The following BOP1 variants were observed in gnomAD, a reference collection of about 807,000 sequenced individuals.
BOP1 encodes the protein ribosome biogenesis protein BOP1.
In BOP1, 54 loss-of-function variants were observed where a neutral mutation model predicts 82.9. The ratio of observed to expected loss-of-function variants is 0.65; its 90% CI spans 0.52 to 0.82. The LOEUF (loss-of-function observed/expected upper bound fraction) is 0.82, where lower values mean the gene tolerates loss of function less well. BOP1 is among the 40% of genes least tolerant of loss of function. BOP1 has a pLI of 0.00. For synonymous variants in BOP1, 566 were observed against 451.1 expected, an observed-to-expected ratio of 1.25 and a Z score of -3.23; for missense variants, 1,170 against 1,072.0, an observed-to-expected ratio of 1.09 and a Z score of -1.28.
At chr8:144,290,464 T>G (rs1815020478) in intron 1 of BOP1, among the ~76,000 whole-genome samples, 1 of 152,248 alleles carries the variant, frequency 6.6e-6, no homozygotes, top group Non-Finnish European at 1.5e-5. Context: ...ACGACCTGCA[T>G]GTATTAGCTA....
chr8:144,285,403 C>T (rs2130263549), intron 2 of BOP1, among the ~76,000 whole-genome samples: 1 of 152,340 alleles, frequency 6.6e-6, no homozygotes, highest in South Asian at 2.1e-4. Context: ...TTGCCAACCA[C>T]TGTGGAGGAA....
At position 144,263,621 on chromosome 8, in the gene BOP1, C is replaced by G; in HGVS notation, c.1292-11G>C. The G allele has an allele frequency of 6.2e-7, 1 of 1,608,698 alleles. No homozygotes were observed. The highest frequency in any genetic ancestry group is 1.7e-5 in the Admixed American group (1 of 59,896). On this transcript the variant is annotated splice_polypyrimidine_tract_variant and intron_variant, in intron 10 of 15. Transcript: ENST00000569669. ...AGCCGTCGTCAGAGCCTGGATGCGG[C>G]AGAGACAGCTCTCAACACCTGGCCA...
At chr8:144,268,807 AGGCAGC>A (rs1845440778) in intron 3 of BOP1, among the ~76,000 whole-genome samples, 2 of 149,848 alleles carry the variant, frequency 1.3e-5, no homozygotes, top group East Asian at 3.9e-4. Context: ...AGGGACAGGG[AGGCAGC>A]GGCAGGGACA....
chr8:144,267,032 G>A lies in BOP1; in HGVS notation c.391-1961C>T, dbSNP rs1845387259. 14 of 1,515,644 alleles carry A rather than the reference G, an allele frequency of 9.2e-6. No homozygotes were observed. In the South Asian group the frequency reaches 1.4e-4, roughly 15 times the overall value. 93.9% of individuals were successfully genotyped at this position (1,515,644 alleles called of 1,614,324 possible). A position where few individuals can be genotyped will look rare whatever the true frequency, so the allele number is the denominator to read the frequency against. Reference sequence around the variant, plus strand: ...CTGGCGGGCGAGGCCTGCGGCGACGGACAGCCCTGCCACTCCGGGCCCGCC... The same window carrying A: ...CTGGCGGGCGAGGCCTGCGGCGACGAACAGCCCTGCCACTCCGGGCCCGCC... On this transcript the variant is annotated intron_variant, in intron 3 of 15. Coordinates refer to ENST00000569669, the MANE Select transcript of BOP1 (RefSeq NM_015201.5).
intron 13 of BOP1, 61 bp from the exon 14 acceptor site, chr8:144,262,733 C>T: frequency 3.2e-6 from 5 of 1,545,116 alleles, no homozygotes; most frequent in Non-Finnish European, 4.4e-6. Flanking sequence ...CACTGCCCTG[C>T]CCGTCACCTA....
intron 3 of BOP1, chr8:144,266,523 T>A: frequency 1.0e-6 from 1 of 989,514 alleles, no homozygotes. Flanking sequence ...ACCCCGCGCC[T>A]CGCCCCGGCC....
intron 3 of BOP1, chr8:144,267,095 C>T: frequency 7.1e-7 from 1 of 1,403,718 alleles, no homozygotes; most frequent in Non-Finnish European, 9.2e-7. Context: ...CCCCCGCCGC[C>T]GCCCCCGCCG....
chr8:144,264,049 G>T lies in BOP1; in HGVS notation c.1072C>A (p.Arg358Ser). The change falls in exon 8 of 16, where the codon CGC (arginine) becomes AGC (serine). Residue 358 changes from arginine (R) to serine (S), a missense_variant. Transcript: ENST00000569669. ...CGCTCGAAGCGTTCCTGGATGAAGC[G>T]TCCGTAGGCAGGCACGGCCCGCAGG... ...PSLRAVPAYG[R>S]FIQERFERCL... is the part of the protein sequence containing the mutation. The T allele has an allele frequency of 1.2e-6, 2 of 1,609,984 alleles. No individual in the cohort carries two copies. Among genetic ancestry groups the T allele is most frequent in the Non-Finnish European group, 1.7e-6 (2 of 1,179,772 alleles).
intron 2 of BOP1, among the ~76,000 whole-genome samples, chr8:144,282,255 A>G (rs1845697380): frequency 6.6e-6 from 1 of 152,208 alleles, no homozygotes; most frequent in Non-Finnish European, 1.5e-5. Context: ...GGCAGGGAGC[A>G]CACAGCCCAG....
Position 144,264,395 on chromosome 8 carries a change from G to C in BOP1, c.808C>G (p.Pro270Ala), listed in dbSNP as rs1250527515. 1.9e-6 allele frequency: 3 copies of C among 1,602,402 alleles called. No homozygotes were observed. Among genetic ancestry groups the C allele is most frequent in the East Asian group, 2.2e-5 (1 of 44,888 alleles). The part of the protein sequence containing the change: ...VHAIKMGWIQ[P>A]RRPRDPTPSF... The stretch of plus-strand genomic sequence containing the variant: ...GGGGTGGGGTCTCGGGGCCGGCGAG[G>C]CTGGATCCAGCCCATCTTGATGGCG... Residue 270 changes from proline to alanine, a missense_variant, in exon 7 of 16, where the codon CCT becomes GCT. Coordinates refer to ENST00000569669, the MANE Select transcript of BOP1 (RefSeq NM_015201.5).
chr8:144,288,271 GAA>G (rs782356129), intron 2 of BOP1, among the ~76,000 whole-genome samples: 4 of 91,766 alleles, frequency 4.4e-5, no homozygotes, highest in African/African-American at 4.3e-5. Flanking sequence ...CTCTGTCTTA[GAA>G]AAAAAAAAAA....
At chr8:144,265,417 G>A in intron 3 of BOP1, 1 of 427,758 alleles carries the variant, frequency 2.3e-6, no homozygotes, top group Non-Finnish European at 4.2e-6. Context: ...TCCCTCCCCT[G>A]GCAGGGGCCT....
intron 2 of BOP1, among the ~76,000 whole-genome samples, chr8:144,284,001 C>T (rs908135707): frequency 6.6e-5 from 10 of 152,306 alleles, no homozygotes; most frequent in Admixed American, 2.0e-4. Context: ...CCTGTAATCC[C>T]GGCTACTCAG....
In BOP1 at chr8:144,289,259, C is replaced by T. The variant is rs141420653; in HGVS notation, c.145G>A (p.Asp49Asn). The change falls in exon 2 of 16, where the codon GAT becomes AAT. Residue 49 changes from aspartate to asparagine, a missense_variant. Physicochemically the swap from Asp to Asn is conservative, Grantham distance 23. Coordinates refer to ENST00000569669, the MANE Select transcript of BOP1 (RefSeq NM_015201.5). ...TSPLSHSTGSDSGVSDSEESV... is the reference protein window; with the variant it reads ...TSPLSHSTGSNSGVSDSEESV... ...TCCTCGCTGTCGGAGACGCCAGAAT[C>T]GCTGCCGGTGCTGTGGCTGAGAGGA... 94 of 1,613,908 alleles carry T rather than the reference C, an allele frequency of 5.8e-5. No individual in the cohort carries two copies. Among genetic ancestry groups the T allele is most frequent in the Non-Finnish European group, 7.5e-5 (88 of 1,179,962 alleles).
chr8:144,267,284 G>GGGCACAGGCAGGCACACCTGT (rs1243525536), intron 3 of BOP1: 37 of 1,326,788 alleles, frequency 2.8e-5, no homozygotes, highest in Non-Finnish European at 3.5e-5. Context: ...CTCCCCAACA[G>GGGCACAGGCAGGCACACCTGT]GGCACAGGCA....
At chr8:144,262,729 C>T (rs1845239405) in intron 13 of BOP1, 57 bp from the exon 14 acceptor site, 13 of 1,543,794 alleles carry the variant, frequency 8.4e-6, no homozygotes, top group Non-Finnish European at 1.1e-5. Flanking sequence ...GGTGCACTGC[C>T]CTGCCCGTCA....
At chr8:144,270,149 G>A (rs1845468922) in intron 3 of BOP1, among the ~76,000 whole-genome samples, 1 of 152,224 alleles carries the variant, frequency 6.6e-6, no homozygotes, top group Non-Finnish European at 1.5e-5. Flanking sequence ...AGGGGCTGCT[G>A]GCCTGAGCGG....
rs1470493682 is a variant in BOP1, at chr8:144,263,509, T to C, written c.1393A>G (p.Ser465Gly). The C allele has an allele frequency of 6.3e-7, 1 of 1,598,950 alleles. No individual in the cohort carries two copies. The highest frequency in any genetic ancestry group is 8.5e-7 in the Non-Finnish European group (1 of 1,179,668). Residue 465 changes from serine to glycine, a missense_variant, in exon 11 of 16, where the codon AGC (serine) becomes GGC (glycine). By Grantham distance (56) the Ser-to-Gly change is moderately conservative. Coordinates refer to ENST00000569669, the MANE Select transcript of BOP1 (RefSeq NM_015201.5). ...GCAGCCACCAGGCAGACAGCGGGGC[T>C]GGGGTTCCAGGCCACACTCTTCACC... ...GVVKSVAWNP[S>G]PAVCLVAAAV...
intron 3 of BOP1, 143 bp from the exon 4 acceptor site, chr8:144,265,214 G>A (rs891853546): frequency 3.3e-4 from 309 of 946,170 alleles, no homozygotes; most frequent in East Asian, 7.7e-4. Context: ...CCTGACCTAC[G>A]CCTGTTCCCC....
Sources: allele counts gnomAD v4.1 joint callset (sites outside exome capture counted in the v4.1 genomes callset), GRCh38; gene constraint gnomAD v4.1.1; transcripts MANE v1.5; gene names NCBI Gene and HGNC (gene_info 2026-07-23, HGNC 2026-07-21).